LHFPL3: variants seen among roughly 807,000 people sequenced by gnomAD.
LHFPL3 encodes the protein LHFPL tetraspan subfamily member 3, also known as LHFPL tetraspan subfamily member 3 protein.
Under a neutral mutation model 19.3 loss-of-function variants are expected in LHFPL3, and 5 were observed. The observed-to-expected ratio is 0.26, with a 90% confidence interval of 0.14 to 0.54. The LOEUF (loss-of-function observed/expected upper bound fraction) is 0.54. Among genes scored for constraint, LHFPL3 ranks in the 20% least tolerant of loss-of-function variants. The pLI is 0.94. For synonymous variants in LHFPL3, 133 were observed against 126.2 expected, an observed-to-expected ratio of 1.05 and a Z score of -0.36; for missense variants, 249 against 307.4, an observed-to-expected ratio of 0.81 and a Z score of 1.42.
intron 1 of LHFPL3, among the ~76,000 whole-genome samples, chr7:104,340,043 G>A (rs184890117): frequency 1.4e-3 from 206 of 152,340 alleles, no homozygotes; most frequent in Middle Eastern, 3.4e-3. Context: ...TGGGGGATCA[G>A]GGTGAGGAAG....
rs7783743 is a variant in LHFPL3 at position 104,866,154 on chromosome 7, G to A, written c.683-40033G>A. Among the ~76,000 whole-genome samples, 745 of 152,292 alleles carry A rather than the reference G, an allele frequency of 4.9e-3. 5 individuals are homozygous for A. The highest frequency in any genetic ancestry group is 0.017 in the African/African-American group (712 of 41,534). The stretch of plus-strand genomic sequence containing the variant: ...TTGTAAAGACCATCAATGCTAGGAA[G>A]AAACTGCGTCAACTAACGAGCAAAA... On this transcript the variant is annotated intron_variant, in intron 2 of 2. Coordinates refer to ENST00000424859, the MANE Select transcript of LHFPL3 (RefSeq NM_199000.3).
intron 1 of LHFPL3, among the ~76,000 whole-genome samples, chr7:104,384,023 G>A (rs1172900538): frequency 6.6e-6 from 1 of 152,138 alleles, no homozygotes; most frequent in Non-Finnish European, 1.5e-5. Flanking sequence ...TTTTCCACCT[G>A]CAACCTGTAT....
intron 1 of LHFPL3, among the ~76,000 whole-genome samples, chr7:104,360,694 CGT>C (rs61216282): frequency 0.12 from 17,450 of 143,832 alleles, 1,212 homozygotes; most frequent in Non-Finnish European, 0.16. Context: ...AAAGTGCTTC[CGT>C]GTGTGTGTGT....
chr7:104,367,090 A>G (rs1006236660), intron 1 of LHFPL3, among the ~76,000 whole-genome samples: 3 of 152,240 alleles, frequency 2.0e-5, no homozygotes, highest in East Asian at 1.9e-4. Flanking sequence ...TTAGTCTGCC[A>G]TTAAGTTTTA....
At chr7:104,638,191 T>A (rs578006497) in intron 1 of LHFPL3, among the ~76,000 whole-genome samples, 1 of 152,260 alleles carries the variant, frequency 6.6e-6, no homozygotes, top group South Asian at 2.1e-4. Context: ...GCTCTCAGCT[T>A]GGCTGTTGGT....
intron 1 of LHFPL3, among the ~76,000 whole-genome samples, chr7:104,473,965 A>G (rs923951082): frequency 7.2e-5 from 11 of 152,080 alleles, no homozygotes; most frequent in Non-Finnish European, 1.2e-4. Flanking sequence ...GCGTGCACAC[A>G]CTCTTTTCTA....
chr7:104,733,836 G>A (rs992487473), intron 1 of LHFPL3, among the ~76,000 whole-genome samples: 1 of 152,122 alleles, frequency 6.6e-6, no homozygotes, highest in Non-Finnish European at 1.5e-5. Context: ...TTACAGTTTG[G>A]CATGTCTTTG....
chr7:104,335,516 GTTT>G (rs1319605681), intron 1 of LHFPL3, among the ~76,000 whole-genome samples: 7 of 152,286 alleles, frequency 4.6e-5, no homozygotes, highest in Admixed American at 4.6e-4. Flanking sequence ...AAAACAAACA[GTTT>G]TTATAAAAGT....
intron 1 of LHFPL3, among the ~76,000 whole-genome samples, chr7:104,521,042 G>T (rs1794048331): frequency 6.6e-6 from 1 of 151,618 alleles, no homozygotes; most frequent in African/African-American, 2.4e-5. Context: ...GTGATGTTAG[G>T]GTGTCAGTTT....
At chr7:104,549,335 G>A (rs1358583536) in intron 1 of LHFPL3, among the ~76,000 whole-genome samples, 2 of 151,718 alleles carry the variant, frequency 1.3e-5, no homozygotes, top group Non-Finnish European at 2.9e-5. Flanking sequence ...TTACGCACAT[G>A]GTAAATATTA....
intron 1 of LHFPL3, among the ~76,000 whole-genome samples, chr7:104,395,183 A>C (rs1791159118): frequency 6.6e-6 from 1 of 152,218 alleles, no homozygotes; most frequent in African/African-American, 2.4e-5. Context: ...TTGGTGTTAG[A>C]TAGCTTACTA....
At chr7:104,529,235 A>G (rs910237686) in intron 1 of LHFPL3, among the ~76,000 whole-genome samples, 4 of 152,200 alleles carry the variant, frequency 2.6e-5, no homozygotes, top group Non-Finnish European at 1.5e-5. Flanking sequence ...GGCTTTCCTT[A>G]GATATTCTCT....
chr7:104,666,541 A>T (rs1256457867), intron 1 of LHFPL3, among the ~76,000 whole-genome samples: 1 of 7,000 alleles, frequency 1.4e-4, no homozygotes, highest in African/African-American at 4.2e-4. Context: ...TTTTTTTTTG[A>T]GACGGAGTCT....
chr7:104,492,306 G>C (rs1210984984), intron 1 of LHFPL3, among the ~76,000 whole-genome samples: 1 of 152,136 alleles, frequency 6.6e-6, no homozygotes, highest in Non-Finnish European at 1.5e-5. Context: ...GCAACAGAAC[G>C]GTGGCACTCT....
Position 104,573,518 on chromosome 7 carries a change from A to G in LHFPL3, c.446-163157A>G, listed in dbSNP as rs551192754. 5.3e-5 allele frequency among the ~76,000 whole-genome samples: 8 copies of G among 152,322 alleles called. No homozygotes were observed. In the South Asian group the frequency reaches 1.7e-3, roughly 32 times the overall value. The stretch of plus-strand genomic sequence containing the variant: ...TAGGAATGAACTTAGGAAACTTGAG[A>G]CATAAATGAAATACCAACTAGTGTG... On this transcript the variant is annotated intron_variant, in intron 1 of 2. Transcript: ENST00000424859.
chr7:104,674,354 GTTTTTC>G (rs1206573836), intron 1 of LHFPL3, among the ~76,000 whole-genome samples: 2 of 147,610 alleles, frequency 1.4e-5, no homozygotes, highest in South Asian at 2.1e-4. Context: ...GGGACTTCCT[GTTTTTC>G]TTTTTCTTTT....
intron 2 of LHFPL3, among the ~76,000 whole-genome samples, chr7:104,879,311 G>A (rs1792003403): frequency 6.6e-6 from 1 of 152,158 alleles, no homozygotes; most frequent in African/African-American, 2.4e-5. Flanking sequence ...AGCTCCTTGG[G>A]AGGCTAAGGT....
intron 2 of LHFPL3, among the ~76,000 whole-genome samples, chr7:104,814,703 C>T (rs1790531957): frequency 6.6e-6 from 1 of 152,220 alleles, no homozygotes; most frequent in Admixed American, 6.5e-5. Context: ...CTCATCTCAC[C>T]CTCAGCTTTC....
intron 2 of LHFPL3, among the ~76,000 whole-genome samples, chr7:104,745,648 G>A (rs1794028609): frequency 6.6e-6 from 1 of 152,190 alleles, no homozygotes; most frequent in Non-Finnish European, 1.5e-5. Flanking sequence ...GAGGCTGGAT[G>A]AATACTTTTC....
Sources: allele counts gnomAD v4.1 joint callset (sites outside exome capture counted in the v4.1 genomes callset), GRCh38; gene constraint gnomAD v4.1.1; transcripts MANE v1.5; gene names NCBI Gene and HGNC (gene_info 2026-07-23, HGNC 2026-07-21).